ZNF398: variants seen among roughly 807,000 people sequenced by gnomAD.
ZNF398 encodes the protein zinc finger DNA binding protein ZER6.
In ZNF398, 18 loss-of-function variants were observed where a neutral mutation model predicts 41.9. The ratio of observed to expected loss-of-function variants is 0.43; its 90% CI spans 0.30 to 0.64. The LOEUF is 0.64. ZNF398 is among the 30% of genes least tolerant of loss of function. The pLI, the probability that ZNF398 is intolerant of heterozygous loss-of-function variation, is 0.14. For missense variants in ZNF398, 669 were observed against 822.8 expected (o/e 0.81, Z 2.29); for synonymous variants, 260 against 308.8 (o/e 0.84, Z 1.66).
rs1009497356 is a variant in ZNF398 at position 149,180,533 on chromosome 7, C to T, written c.*732C>T. 6.6e-6 allele frequency: 1 copy of T among 152,158 alleles called. No individual in the cohort carries two copies. The highest frequency in any genetic ancestry group is 6.6e-5 in the Admixed American group (1 of 15,264). The allele number at this position is 152,158 out of a possible 1,614,324, so 9.4% of individuals were successfully genotyped here. On this transcript the variant is annotated 3_prime_UTR_variant, in exon 6 of 6. Transcript: ENST00000475153. ...AGGCTCTTATTGCCATTTAAACTGC[C>T]AGAAATCTTTGCCAAGGTCCTGGTT... is the stretch of plus-strand genomic sequence containing the variant.
chr7:149,179,970 C>T lies in ZNF398; in HGVS notation c.*169C>T, dbSNP rs1795556380. 3.3e-6 allele frequency: 2 copies of T among 610,694 alleles called. No individual in the cohort carries two copies. Among genetic ancestry groups the T allele is most frequent in the South Asian group, 3.2e-5 (1 of 30,798 alleles). The allele number at this position is 610,694 out of a possible 1,614,324, so 37.8% of individuals were successfully genotyped here. On this transcript the variant is annotated 3_prime_UTR_variant, in exon 6 of 6. Transcript: ENST00000475153. The surrounding 1 kb of genome is among the most constrained non-coding windows in gnomAD (Gnocchi z 6.1). ...GACATGCTTGTGTTTTGGAATTTCACACCCTTACAAGAATACCACATTTTG... is the reference window on the plus strand; with the variant it reads ...GACATGCTTGTGTTTTGGAATTTCATACCCTTACAAGAATACCACATTTTG...
chr7:149,131,744 A>G (rs188428534), intron 2 of ZNF398, among the ~76,000 whole-genome samples: 1 of 152,284 alleles, frequency 6.6e-6, no homozygotes. Flanking sequence ...AATAAGCCCC[A>G]GCCATAATCC....
chr7:149,127,130 G>A (rs1362123858), intron 1 of ZNF398, among the ~76,000 whole-genome samples: 2 of 152,154 alleles, frequency 1.3e-5, no homozygotes, highest in Non-Finnish European at 2.9e-5. Flanking sequence ...GGAGAGGTGG[G>A]AAGACGCAGA....
At chr7:149,131,368 G>T (rs1375935956) in intron 2 of ZNF398, among the ~76,000 whole-genome samples, 2 of 152,152 alleles carry the variant, frequency 1.3e-5, no homozygotes, top group Non-Finnish European at 2.9e-5. Context: ...ATTAAGGAAA[G>T]ATTTTACTAT....
upstream of ZNF398, among the ~76,000 whole-genome samples, chr7:149,145,120 C>T (rs1443020426): frequency 6.6e-6 from 1 of 152,094 alleles, no homozygotes; most frequent in Non-Finnish European, 1.5e-5. Context: ...AGCAGTTGCC[C>T]CAACAGGATA....
upstream of ZNF398, among the ~76,000 whole-genome samples, chr7:149,145,260 G>C (rs190242924): frequency 3.9e-5 from 6 of 152,196 alleles, no homozygotes; most frequent in Admixed American, 2.0e-4. Context: ...GGAAAACCAG[G>C]GTCATGTGCT....
chr7:149,161,821 AAAGG>A lies in ZNF398; in HGVS notation c.421-4336_421-4333del, dbSNP rs201011929. Among the ~76,000 whole-genome samples, 213 of 149,792 alleles carry A rather than the reference AAAGG, an allele frequency of 1.4e-3. 1 individual carries two copies. The highest frequency in any genetic ancestry group is 5.0e-3 in the African/African-American group (199 of 39,902). On this transcript the variant is annotated intron_variant, in intron 2 of 5. Coordinates refer to ENST00000475153, the MANE Select transcript of ZNF398 (RefSeq NM_170686.3). ...GGTAATTAACTCCAAAAAAAAAAAA[AAAGG>A]GGAATTGTTAAAAGCCCAAATACAG...
At position 149,180,026 on chromosome 7, in the gene ZNF398, C is replaced by G; in HGVS notation, c.*225C>G. On this transcript the variant is annotated 3_prime_UTR_variant, in exon 6 of 6. Transcript: ENST00000475153. ...CAGAAAGACCTGGAAAGGAGCCCAG[C>G]ATGTCCATCTTTTCAAAGATACAAC... The G allele has an allele frequency of 2.2e-6, 1 of 450,580 alleles. No homozygotes were observed. The highest frequency in any genetic ancestry group is 3.9e-6 in the Non-Finnish European group (1 of 255,842). The allele number at this position is 450,580 out of a possible 1,614,324, so 27.9% of individuals were successfully genotyped here. A position where few individuals can be genotyped will look rare whatever the true frequency, so the allele number is the denominator to read the frequency against.
At chr7:149,130,096 G>A (rs1037549106) in intron 2 of ZNF398, among the ~76,000 whole-genome samples, 32 of 151,466 alleles carry the variant, frequency 2.1e-4, no homozygotes, top group African/African-American at 5.8e-4. Flanking sequence ...ACTGCACCCG[G>A]CCTATTTATT....
rs748051861 is a variant in ZNF398 at position 149,179,097 on chromosome 7, C to T, written c.1225C>T (p.His409Tyr). 3.7e-6 allele frequency: 6 copies of T among 1,614,124 alleles called. No homozygotes were observed. Among genetic ancestry groups the T allele is most frequent in the Non-Finnish European group, 4.2e-6 (5 of 1,180,028 alleles). ...TCPHCARTFT[H>Y]PSRLTYHLRV... ...CCCACACTGTGCCAGGACTTTTACT[C>T]ACCCATCAAGACTTACCTACCATCT... The change falls in exon 6 of 6, where the codon CAC becomes TAC. Residue 409 changes from histidine to tyrosine, a missense_variant. By Grantham distance (83) the His-to-Tyr change is moderately conservative. This residue lies in a region of ZNF398 where 290 missense variants were observed against 292.9 expected (regional missense o/e 0.99). Coordinates refer to ENST00000475153, the MANE Select transcript of ZNF398 (RefSeq NM_170686.3). This position sits in a 1 kb window ranked among gnomAD's most constrained non-coding sequence, Gnocchi z 6.1.
Position 149,179,009 on chromosome 7 carries a change from T to A in ZNF398, c.1137T>A (p.Phe379Leu). 6.2e-7 allele frequency: 1 copy of A among 1,613,036 alleles called. No individual in the cohort carries two copies. Among genetic ancestry groups the A allele is most frequent in the Non-Finnish European group, 8.5e-7 (1 of 1,179,716 alleles). The stretch of plus-strand genomic sequence containing the variant: ...CCTGTGCCCAGTGCCCTAAGCACTT[T>A]ACTCCACAGGCGGACCTCAGCAGCA... Reference protein sequence around the residue: ...PLPCAQCPKHFTPQADLSSTS... With the variant: ...PLPCAQCPKHLTPQADLSSTS... The change falls in exon 6 of 6, where the codon TTT (phenylalanine) becomes TTA (leucine). Residue 379 changes from phenylalanine (F) to leucine (L), a missense_variant. This residue lies in a region of ZNF398 where 290 missense variants were observed against 292.9 expected (regional missense o/e 0.99). Transcript: ENST00000475153. The surrounding 1 kb of genome is among the most constrained non-coding windows in gnomAD (Gnocchi z 6.1).
rs189456878 is a variant in ZNF398, at chr7:149,155,115, C to T, written c.420+775C>T. 6.9e-4 allele frequency among the ~76,000 whole-genome samples: 104 copies of T among 151,468 alleles called. 1 individual carries two copies. The highest frequency in any genetic ancestry group is 1.2e-3 in the Admixed American group (18 of 15,166). ...CAGCCTGGCCAACATGGTGAAACCCCGTCTCTACTTAAAATACAAAAATTG... is the reference window on the plus strand; with the variant it reads ...CAGCCTGGCCAACATGGTGAAACCCTGTCTCTACTTAAAATACAAAAATTG... On this transcript the variant is annotated intron_variant, in intron 2 of 5. Transcript: ENST00000475153.
At chr7:149,128,775 T>TAAAAG in intron 1 of ZNF398, 2 of 139,024 alleles carry the variant, frequency 1.4e-5, no homozygotes, top group Non-Finnish European at 3.0e-5. Flanking sequence ...TAAAATAAAA[T>TAAAAG]AAAATTATAT....
chr7:149,160,164 C>T (rs574892951), intron 2 of ZNF398, among the ~76,000 whole-genome samples: 7 of 152,242 alleles, frequency 4.6e-5, no homozygotes, highest in African/African-American at 1.2e-4. Flanking sequence ...CTAGGCCAGG[C>T]GCGGTGACTC....
chr7:149,144,172 T>C (rs953208377), upstream of ZNF398, among the ~76,000 whole-genome samples: 2 of 152,224 alleles, frequency 1.3e-5, no homozygotes, highest in African/African-American at 4.8e-5. Context: ...TATTACCATA[T>C]TAAAGCAGAG....
At chr7:149,173,265 T>C (rs1318593339) in intron 4 of ZNF398, among the ~76,000 whole-genome samples, 1 of 151,900 alleles carries the variant, frequency 6.6e-6, no homozygotes, top group East Asian at 1.9e-4. Flanking sequence ...CCACCATGCC[T>C]GGCTCATTTT....
intron 2 of ZNF398, among the ~76,000 whole-genome samples, chr7:149,136,317 G>A (rs1278390479): frequency 2.0e-5 from 3 of 151,892 alleles, no homozygotes; most frequent in Non-Finnish European, 2.9e-5. Flanking sequence ...ACTGTGGGGC[G>A]GCCGAGCAGA....
chr7:149,167,129 C>T (rs1339790704), intron 4 of ZNF398, among the ~76,000 whole-genome samples, 199 bp downstream of exon 4: 2 of 152,356 alleles, frequency 1.3e-5, no homozygotes, highest in South Asian at 2.1e-4. Context: ...CAGTACTACA[C>T]ACCTAACAGT....
intron 5 of ZNF398, 28 bp downstream of exon 5, chr7:149,176,609 T>A: frequency 6.8e-7 from 1 of 1,469,224 alleles, no homozygotes; most frequent in Non-Finnish European, 9.4e-7. Flanking sequence ...GAGGTGTTCA[T>A]GTCCATATCC....
Sources: allele counts gnomAD v4.1 joint callset (sites outside exome capture counted in the v4.1 genomes callset), GRCh38; gene constraint gnomAD v4.1.1; regional missense constraint gnomAD v4.1.1; non-coding constraint Gnocchi (gnomAD v3.1); transcripts MANE v1.5; gene names NCBI Gene and HGNC (gene_info 2026-07-23, HGNC 2026-07-21).